Variants in DGKI observed in about 807,000 individuals in gnomAD.
The protein encoded by DGKI is DAG kinase iota.
In DGKI, 55 loss-of-function variants were observed where a neutral mutation model predicts 147.5. The observed-to-expected ratio is 0.37, with a 90% CI of 0.30 to 0.47. The LOEUF (loss-of-function observed/expected upper bound fraction) is 0.47. Among genes scored for constraint, DGKI ranks in the 20% least tolerant of loss-of-function variants. DGKI has a pLI of 1.00. For missense variants in DGKI, 1,007 were observed against 1,323.8 expected (o/e 0.76, Z 3.71); for synonymous variants, 469 against 477.1 (o/e 0.98, Z 0.22).
intron 19 of DGKI, among the ~76,000 whole-genome samples, chr7:137,563,303 T>C (rs1343446263): frequency 3.3e-5 from 5 of 151,968 alleles, no homozygotes; most frequent in Non-Finnish European, 7.4e-5. Flanking sequence ...ATTAAGCATA[T>C]TTTATGAAAA....
rs58290482 is a variant in DGKI at position 137,464,256 on chromosome 7, C to CAAA, written c.2613-648_2613-646dup. ...TGGGTGACAGAGCGAGACTCCATCT[C>CAAA]AAAAAAAAAAAAAAAAAAAAAAGGA... On this transcript the variant is annotated intron_variant, in intron 26 of 32. Coordinates refer to ENST00000614521, the MANE Select transcript of DGKI (RefSeq NM_001321708.2). Among the ~76,000 whole-genome samples the CAAA allele has an allele frequency of 5.2e-3, 248 of 47,706 alleles. 2 individuals are homozygous for CAAA. The highest frequency in any genetic ancestry group is 0.013 in the Middle Eastern group (1 of 76). 31.3% of individuals were successfully genotyped at this position (47,706 alleles called of 152,430 possible). A position where few individuals can be genotyped will look rare whatever the true frequency, so the allele number is the denominator to read the frequency against.
chr7:137,399,301 A>G (rs937346580), intron 30 of DGKI, among the ~76,000 whole-genome samples: 1 of 152,068 alleles, frequency 6.6e-6, no homozygotes, highest in Non-Finnish European at 1.5e-5. Flanking sequence ...CACCTCAGTT[A>G]TTTTTTGTAT....
At chr7:137,691,809 T>TTTTTTTTTTTTTG (rs1290595066) in intron 1 of DGKI, among the ~76,000 whole-genome samples, 2 of 141,012 alleles carry the variant, frequency 1.4e-5, no homozygotes, top group African/African-American at 2.8e-5. Context: ...TTTTTTTTTT[T>TTTTTTTTTTTTTG]TTTTTTTTTT....
chr7:137,586,776 A>C (rs533792557), intron 13 of DGKI, among the ~76,000 whole-genome samples: 1 of 152,282 alleles, frequency 6.6e-6, no homozygotes. Context: ...GATTAACTGA[A>C]GTCTGTATGA....
At chr7:137,817,556 C>T (rs555335349) in intron 1 of DGKI, among the ~76,000 whole-genome samples, 1 of 152,296 alleles carries the variant, frequency 6.6e-6, no homozygotes, top group Admixed American at 6.5e-5. Context: ...AAGACTGTTG[C>T]TGTCGAATTG....
intron 1 of DGKI, among the ~76,000 whole-genome samples, chr7:137,748,392 A>C (rs907274347): frequency 3.3e-5 from 5 of 152,140 alleles, no homozygotes; most frequent in African/African-American, 9.6e-5. Flanking sequence ...TAAAACTGAA[A>C]TACAGAATAT....
At chr7:137,500,580 T>C (rs1255630710) in intron 21 of DGKI, among the ~76,000 whole-genome samples, 2 of 152,108 alleles carry the variant, frequency 1.3e-5, no homozygotes, top group African/African-American at 2.4e-5. Context: ...CAAAATATAA[T>C]TTATAAAACA....
intron 20 of DGKI, among the ~76,000 whole-genome samples, chr7:137,531,666 T>G (rs1180095953): frequency 6.6e-6 from 1 of 152,190 alleles, no homozygotes; most frequent in Non-Finnish European, 1.5e-5. Flanking sequence ...TAATTGTTAT[T>G]TAAAATGCTA....
intron 8 of DGKI, among the ~76,000 whole-genome samples, chr7:137,618,293 T>C (rs548084569): frequency 6.7e-6 from 1 of 148,598 alleles, no homozygotes; most frequent in Non-Finnish European, 1.5e-5. Context: ...CCACACACCC[T>C]CTGCATAAAC....
At chr7:137,614,123 C>T (rs1820455728) in intron 8 of DGKI, among the ~76,000 whole-genome samples, 1 of 152,068 alleles carries the variant, frequency 6.6e-6, no homozygotes, top group Admixed American at 6.6e-5. Flanking sequence ...TTCAAAGAAA[C>T]CAGCTTGTTC....
chr7:137,634,064 C>T (rs1279807016), intron 6 of DGKI, among the ~76,000 whole-genome samples: 1 of 152,112 alleles, frequency 6.6e-6, no homozygotes, highest in African/African-American at 2.4e-5. Flanking sequence ...GGTCAGTAGT[C>T]CAAGGTATGC....
chr7:137,513,761 G>T (rs1816657606), intron 21 of DGKI: 2 of 510,346 alleles, frequency 3.9e-6, no homozygotes, highest in Admixed American at 2.4e-5. Flanking sequence ...TGGCATTTGG[G>T]TATCTAAAAT....
intron 17 of DGKI, among the ~76,000 whole-genome samples, chr7:137,573,652 G>A (rs569087271): frequency 7.9e-5 from 12 of 152,274 alleles, no homozygotes; most frequent in Non-Finnish European, 1.0e-4. Flanking sequence ...TCATCCACCC[G>A]CCTTGGCCTC....
At chr7:137,534,712 CT>C (rs1209014579) in intron 20 of DGKI, among the ~76,000 whole-genome samples, 1 of 151,926 alleles carries the variant, frequency 6.6e-6, no homozygotes, top group Non-Finnish European at 1.5e-5. Context: ...AAAGTTTAGT[CT>C]TCAGAGGGTG....
At chr7:137,497,279 A>G (rs1207744806) in intron 21 of DGKI, among the ~76,000 whole-genome samples, 2 of 152,202 alleles carry the variant, frequency 1.3e-5, no homozygotes, top group African/African-American at 4.8e-5. Flanking sequence ...ATTATTAAAA[A>G]GTCAAAACAT....
At chr7:137,492,284 C>T (rs747537883) in intron 21 of DGKI, among the ~76,000 whole-genome samples, 1 of 152,142 alleles carries the variant, frequency 6.6e-6, no homozygotes, top group Non-Finnish European at 1.5e-5. Context: ...ACAGGATCCT[C>T]CAGGCAAGAT....
chr7:137,622,949 G>C (rs893638410), intron 7 of DGKI, among the ~76,000 whole-genome samples: 1 of 152,164 alleles, frequency 6.6e-6, no homozygotes, highest in Non-Finnish European at 1.5e-5. Flanking sequence ...TGAGTGTACA[G>C]ACAACATCCA....
intron 6 of DGKI, among the ~76,000 whole-genome samples, chr7:137,627,212 C>T (rs1820973172): frequency 6.6e-6 from 1 of 152,160 alleles, no homozygotes; most frequent in Non-Finnish European, 1.5e-5. Context: ...TCCAAAATAA[C>T]CTCAACTCAC....
At chr7:137,408,309 G>C (rs989713416) in intron 29 of DGKI, among the ~76,000 whole-genome samples, 4 of 152,160 alleles carry the variant, frequency 2.6e-5, no homozygotes, top group African/African-American at 9.7e-5. Flanking sequence ...GGAGTAGTGA[G>C]GGGTGGAGTG....
Sources: allele counts gnomAD v4.1 joint callset (sites outside exome capture counted in the v4.1 genomes callset), GRCh38; gene constraint gnomAD v4.1.1; transcripts MANE v1.5; gene names NCBI Gene and HGNC (gene_info 2026-07-23, HGNC 2026-07-21).